The following DAB2IP variants were observed in gnomAD, a reference collection of about 807,000 sequenced individuals.
The protein encoded by DAB2IP is disabled homolog 2-interacting protein.
A neutral mutation model predicts 107.2 loss-of-function variants in DAB2IP; 28 were observed. The observed-to-expected ratio is 0.26, with a 90% CI of 0.19 to 0.36. The LOEUF (loss-of-function observed/expected upper bound fraction) is 0.36. Ranked by LOEUF, DAB2IP falls within the 10% of genes least tolerant of loss-of-function variation. DAB2IP has a pLI of 1.00. For missense variants in DAB2IP, 1,400 were observed against 1,644.7 expected (o/e 0.85, Z 2.57); for synonymous variants, 755 against 706.4 (o/e 1.07, Z -1.09).
rs1230549667 is a variant in DAB2IP at position 121,760,433 on chromosome 9, G to A, written c.1164G>A (p.Lys388=). The A allele has an allele frequency of 5.0e-6, 8 of 1,597,574 alleles. No homozygotes were observed. Among genetic ancestry groups the A allele is most frequent in the Middle Eastern group, 1.7e-4 (1 of 6,054 alleles). The change falls in exon 6 of 16, where the codon AAG becomes AAA. Residue 388 remains lysine (K), a synonymous_variant. Transcript: ENST00000408936. The surrounding 1 kb of genome is among the most constrained non-coding windows in gnomAD (Gnocchi z 5.9). ...TGCACATCCTGCAGAGCACGGGCAA[G>A]GTGAAGGTGCGTGCAGGCCCCTCGG...
chr9:121,762,622 C>A (rs1833976287), intron 6 of DAB2IP, among the ~76,000 whole-genome samples: 1 of 152,226 alleles, frequency 6.6e-6, no homozygotes. Flanking sequence ...AGCACAGATG[C>A]CTGGGTCCAC....
chr9:121,619,332 A>C (rs1370563843), intron 1 of DAB2IP, among the ~76,000 whole-genome samples: 2 of 152,120 alleles, frequency 1.3e-5, no homozygotes, highest in Non-Finnish European at 2.9e-5. Context: ...ATTTTTGTGG[A>C]GATGGGGTTT....
At position 121,766,496 on chromosome 9, in the gene DAB2IP, T is replaced by G. The variant is rs1834291667; in HGVS notation, c.1463T>G (p.Val488Gly). The G allele has an allele frequency of 6.2e-7, 1 of 1,604,956 alleles. No individual in the cohort carries two copies. The highest frequency in any genetic ancestry group is 1.7e-5 in the Admixed American group (1 of 60,002). The change falls in exon 9 of 16, where the codon GTC becomes GGC. Residue 488 changes from valine to glycine, a missense_variant and splice_region_variant. Transcript: ENST00000408936. The stretch of plus-strand genomic sequence containing the variant: ...CACCTTTGTCTGTCCCTACACAGTG[T>G]CTTCCCACGGGAGTTGAAAGAGGTG...
At chr9:121,610,656 T>G (rs1298796193) in intron 1 of DAB2IP, among the ~76,000 whole-genome samples, 1 of 151,956 alleles carries the variant, frequency 6.6e-6, no homozygotes, top group African/African-American at 2.4e-5. Context: ...GGTGGGAAGG[T>G]GATGGATGAA....
At chr9:121,681,284 C>T (rs1047491292) in intron 2 of DAB2IP, among the ~76,000 whole-genome samples, 9 of 152,214 alleles carry the variant, frequency 5.9e-5, no homozygotes, top group Non-Finnish European at 2.9e-5. Context: ...CCATCAGCAT[C>T]GCTTTTCCGG....
rs139615746 is a variant in DAB2IP, at chr9:121,609,516, T to C, written c.40+42288T>C. ...TCTCCAGGCATCCTGCACTGATTGTTCCAGCAACACTGACCTTTTCTGTAC... is the reference window on the plus strand; with the variant it reads ...TCTCCAGGCATCCTGCACTGATTGTCCCAGCAACACTGACCTTTTCTGTAC... On this transcript the variant is annotated intron_variant, in intron 1 of 16. Transcript: ENST00000259371. 5.3e-3 allele frequency among the ~76,000 whole-genome samples: 805 copies of C among 152,312 alleles called. 8 individuals carry two copies. Among genetic ancestry groups the C allele is most frequent in the African/African-American group, 0.018 (760 of 41,568 alleles).
At chr9:121,664,259 C>A (rs1454127917) in intron 1 of DAB2IP, among the ~76,000 whole-genome samples, 1 of 152,188 alleles carries the variant, frequency 6.6e-6, no homozygotes, top group African/African-American at 2.4e-5. Context: ...TATCCTTATG[C>A]TAATACTACA....
intron 4 of DAB2IP, 63 bp from the exon 5 acceptor site, chr9:121,758,835 C>T (rs1368155072): frequency 6.8e-6 from 10 of 1,475,426 alleles, no homozygotes; most frequent in Non-Finnish European, 9.4e-6. Context: ...GGTCTTCTTC[C>T]ATCACTGCCT....
chr9:121,705,017 A>G (rs959198256), intron 3 of DAB2IP, among the ~76,000 whole-genome samples: 5 of 152,238 alleles, frequency 3.3e-5, no homozygotes, highest in African/African-American at 1.2e-4. Context: ...CTAGAGAGGA[A>G]GGGGAGAGCC....
chr9:121,703,225 C>T (rs1829875174), intron 3 of DAB2IP, among the ~76,000 whole-genome samples: 1 of 152,164 alleles, frequency 6.6e-6, no homozygotes, highest in Non-Finnish European at 1.5e-5. Context: ...GAGACAGTCC[C>T]TGGAGGAGGG....
chr9:121,687,912 C>T (rs1003489812), intron 2 of DAB2IP, among the ~76,000 whole-genome samples: 2 of 152,152 alleles, frequency 1.3e-5, no homozygotes, highest in African/African-American at 4.8e-5. Context: ...GATGTTGAGG[C>T]CCAGAGAGGG....
At chr9:121,620,184 C>T (rs1831412908) in intron 1 of DAB2IP, among the ~76,000 whole-genome samples, 2 of 152,192 alleles carry the variant, frequency 1.3e-5, no homozygotes, top group Non-Finnish European at 1.5e-5. Context: ...TGGGCGGCTC[C>T]GACTCCTGCT....
Position 121,776,690 on chromosome 9 carries a change from AG to A in DAB2IP, c.3314+303del, listed in dbSNP as rs567538670. ...CCATACCATCTTAGTAAGCACTCTC[AG>A]GGGCGCTGAGAAGCTGGATTGGGGG... is the stretch of plus-strand genomic sequence containing the variant. On this transcript the variant is annotated intron_variant, in intron 14 of 15. Coordinates refer to ENST00000408936, the Ensembl canonical transcript of DAB2IP. The surrounding 1 kb of genome is among the most constrained non-coding windows in gnomAD (Gnocchi z 5.4). Among the ~76,000 whole-genome samples the A allele has an allele frequency of 5.4e-4, 82 of 152,264 alleles. No homozygotes were observed. Among genetic ancestry groups the A allele is most frequent in the African/African-American group, 1.9e-3 (81 of 41,574 alleles).
chr9:121,605,169 G>A (rs559523313), intron 1 of DAB2IP, among the ~76,000 whole-genome samples: 13 of 151,818 alleles, frequency 8.6e-5, no homozygotes, highest in African/African-American at 2.7e-4. Flanking sequence ...ACAGGTGCTC[G>A]CCACCATGCC....
chr9:121,619,983 T>G (rs1831407326), intron 1 of DAB2IP, among the ~76,000 whole-genome samples: 1 of 152,114 alleles, frequency 6.6e-6, no homozygotes, highest in African/African-American at 2.4e-5. Flanking sequence ...GAAGCCAGAG[T>G]ATGTGCATTA....
intron 1 of DAB2IP, among the ~76,000 whole-genome samples, chr9:121,668,392 C>T (rs1029870198): frequency 6.6e-6 from 1 of 152,026 alleles, no homozygotes; most frequent in African/African-American, 2.4e-5. Context: ...CATGCATTAC[C>T]ACACCTGGCT....
intron 2 of DAB2IP, among the ~76,000 whole-genome samples, chr9:121,689,292 T>TAA (rs148765739): frequency 3.0e-4 from 37 of 124,580 alleles, no homozygotes; most frequent in African/African-American, 6.6e-4. Context: ...AAATTCCATC[T>TAA]AAAAAAAAAA....
In DAB2IP at chr9:121,634,948, A is replaced by C. The variant is rs1832030533; in HGVS notation, c.41-43730A>C. ...TCAGCCAGAACAGCCAACACCAGGC[A>C]GGTTTGATGCCTGATACCATGGGGC... On this transcript the variant is annotated intron_variant, in intron 1 of 16. Transcript: ENST00000259371. The surrounding 1 kb of genome is among the most constrained non-coding windows in gnomAD (Gnocchi z 4.7). Among the ~76,000 whole-genome samples the C allele has an allele frequency of 6.6e-6, 1 of 152,178 alleles. No individual in the cohort carries two copies. The highest frequency in any genetic ancestry group is 1.5e-5 in the Non-Finnish European group (1 of 68,026).
At chr9:121,762,242 T>A (rs559914719) in intron 6 of DAB2IP, among the ~76,000 whole-genome samples, 54 of 152,176 alleles carry the variant, frequency 3.5e-4, no homozygotes, top group Non-Finnish European at 6.2e-4. Flanking sequence ...ATTTTCCTGC[T>A]GTGTGTGCAT....
Sources: allele counts gnomAD v4.1 joint callset (sites outside exome capture counted in the v4.1 genomes callset), GRCh38; gene constraint gnomAD v4.1.1; non-coding constraint Gnocchi (gnomAD v3.1); transcripts MANE v1.5; gene names NCBI Gene and HGNC (gene_info 2026-07-23, HGNC 2026-07-21).